The following RRAS2 variants were observed in gnomAD, a reference collection of about 807,000 sequenced individuals.
RRAS2 encodes the protein ras-related protein R-Ras2.
A neutral mutation model predicts 27.6 loss-of-function variants in RRAS2; 7 were observed. That is an observed-to-expected ratio of 0.25 (90% CI 0.14 to 0.48). The LOEUF (loss-of-function observed/expected upper bound fraction) is 0.48. RRAS2 is among the 20% of genes least tolerant of loss of function. The probability of loss-of-function intolerance (pLI) is 0.99; values close to 1 mark genes in which losing one functional copy is unlikely to be tolerated. For missense variants in RRAS2, 178 were observed against 256.2 expected, an observed-to-expected ratio of 0.69 and a Z score of 2.08; for synonymous variants, 86 against 90.9, an observed-to-expected ratio of 0.95 and a Z score of 0.31.
intron 1 of RRAS2, among the ~76,000 whole-genome samples, chr11:14,335,032 T>TA (rs1269758922): frequency 2.0e-5 from 3 of 152,176 alleles, no homozygotes; most frequent in Admixed American, 2.0e-4. Flanking sequence ...AATCCAAACT[T>TA]ACAATTTTCA....
chr11:14,323,702 T>C (rs1848280948), intron 1 of RRAS2, among the ~76,000 whole-genome samples: 1 of 152,046 alleles, frequency 6.6e-6, no homozygotes. Flanking sequence ...ATAATCTGGA[T>C]ACCAAAACCA....
intron 1 of RRAS2, among the ~76,000 whole-genome samples, chr11:14,333,762 G>A (rs928109128): frequency 6.6e-6 from 1 of 150,586 alleles, no homozygotes; most frequent in Non-Finnish European, 1.5e-5. Context: ...TTTAACCTCT[G>A]TTTCCCAAGT....
chr11:14,337,095 G>A (rs1363548927), intron 1 of RRAS2: 2 of 152,178 alleles, frequency 1.3e-5, no homozygotes, highest in Non-Finnish European at 2.9e-5. Flanking sequence ...GAAAACTACA[G>A]TACCTTGCTT....
Position 14,358,866 on chromosome 11 carries a change from G to A in RRAS2, c.5C>T (p.Ala2Val). 1 of 1,464,934 alleles carries A rather than the reference G, an allele frequency of 6.8e-7. No individual in the cohort carries two copies. Among genetic ancestry groups the A allele is most frequent in the Non-Finnish European group, 9.1e-7 (1 of 1,100,602 alleles). The allele number at this position is 1,464,934 out of a possible 1,614,324, so 90.7% of individuals were successfully genotyped here. The change falls in exon 1 of 6, where the codon GCC becomes GTC. Residue 2 changes from alanine to valine, a missense_variant. Ala to Val is a moderately conservative substitution (Grantham distance 64, BLOSUM62 0). Transcript: ENST00000256196. The surrounding 1 kb of genome is among the most constrained non-coding windows in gnomAD (Gnocchi z 5.1). M[A>V]AAGWRDGSGQ... ...GGAGCCGTCCCGCCAGCCGGCCGCG[G>A]CCATGGGGACGCTACAGAGCCCAGC...
At position 14,298,342 on chromosome 11, in the gene RRAS2, T is replaced by C. The variant is rs181559318; in HGVS notation, c.109-2487A>G. On this transcript the variant is annotated intron_variant, in intron 1 of 5. Coordinates refer to ENST00000256196, the MANE Select transcript of RRAS2 (RefSeq NM_012250.6). ...TACATTTTTTACAAATGCCAAGCCATGCACAATAGCTAGAATTCTTTAAAT... is the reference window on the plus strand; with the variant it reads ...TACATTTTTTACAAATGCCAAGCCACGCACAATAGCTAGAATTCTTTAAAT... Among the ~76,000 whole-genome samples the C allele has an allele frequency of 8.0e-4, 122 of 152,336 alleles. 1 individual carries two copies. Among genetic ancestry groups the C allele is most frequent in the African/African-American group, 2.9e-3 (119 of 41,576 alleles).
upstream of RRAS2, among the ~76,000 whole-genome samples, chr11:14,362,205 G>C (rs1204602444): frequency 6.6e-6 from 1 of 152,032 alleles, no homozygotes; most frequent in Non-Finnish European, 1.5e-5. Flanking sequence ...GCTTTATATG[G>C]GTGAATTTTA....
chr11:14,355,443 A>T (rs1407759131), intron 1 of RRAS2, among the ~76,000 whole-genome samples: 1 of 152,206 alleles, frequency 6.6e-6, no homozygotes, highest in Non-Finnish European at 1.5e-5. Flanking sequence ...AGCAACAGAA[A>T]GGAGGAGGTA....
intron 1 of RRAS2, among the ~76,000 whole-genome samples, chr11:14,318,596 C>T (rs1848162406): frequency 6.6e-6 from 1 of 152,094 alleles, no homozygotes; most frequent in Admixed American, 6.6e-5. Flanking sequence ...AAGCAAAACC[C>T]TTCTCTCACA....
intron 1 of RRAS2, 146 bp from the exon 2 acceptor site, chr11:14,296,001 TTATCTCTTA>T (rs1847538320): frequency 1.8e-6 from 1 of 552,544 alleles, no homozygotes; most frequent in Non-Finnish European, 3.0e-6. Flanking sequence ...AGCAAGACTC[TTATCTCTTA>T]AAAAAAAATT....
chr11:14,331,564 C>T (rs1554951892), intron 1 of RRAS2, among the ~76,000 whole-genome samples: 1 of 151,228 alleles, frequency 6.6e-6, no homozygotes, highest in African/African-American at 2.4e-5. Flanking sequence ...CTGGCCTGGG[C>T]ATGGTGGCGC....
chr11:14,349,292 T>C (rs995706199), intron 1 of RRAS2, among the ~76,000 whole-genome samples: 8 of 151,770 alleles, frequency 5.3e-5, no homozygotes, highest in Admixed American at 2.6e-4. Context: ...GCTAGGACTA[T>C]AGGCACCCGC....
chr11:14,300,056 C>T (rs1157635791), intron 1 of RRAS2, among the ~76,000 whole-genome samples: 5 of 152,060 alleles, frequency 3.3e-5, no homozygotes, highest in African/African-American at 1.2e-4. Context: ...AAAAAGCAAG[C>T]ACAGTATTGC....
chr11:14,362,000 A>G (rs1554956202), upstream of RRAS2, among the ~76,000 whole-genome samples: 1 of 152,238 alleles, frequency 6.6e-6, no homozygotes, highest in African/African-American at 2.4e-5. Flanking sequence ...AAGACCACAT[A>G]TTATATAATT....
chr11:14,350,684 A>C (rs1374263838), intron 1 of RRAS2, among the ~76,000 whole-genome samples: 1 of 151,916 alleles, frequency 6.6e-6, no homozygotes, highest in African/African-American at 2.4e-5. Context: ...TAAACTAACG[A>C]TAGCTGACGA....
rs928246896 is a variant in RRAS2, at chr11:14,291,651, T to C, written c.408+2820A>G. Among the ~76,000 whole-genome samples, 3 of 152,148 alleles carry C rather than the reference T, an allele frequency of 2.0e-5. No individual in the cohort carries two copies. In the South Asian group the frequency reaches 6.2e-4, roughly 32 times the overall value. On this transcript the variant is annotated intron_variant, in intron 4 of 5. Coordinates refer to ENST00000256196, the MANE Select transcript of RRAS2 (RefSeq NM_012250.6). ...ATCATTTCCTATATTGTTCTCTCAC[T>C]TTTTTACCCTGAGAATCTATTACTT... is the stretch of plus-strand genomic sequence containing the variant.
chr11:14,337,472 C>T (rs1840419987), intron 1 of RRAS2, among the ~76,000 whole-genome samples: 1 of 152,202 alleles, frequency 6.6e-6, no homozygotes, highest in South Asian at 2.1e-4. Context: ...ATGCCTACAT[C>T]ATTTACCTCA....
chr11:14,305,095 T>A (rs1265119696), intron 1 of RRAS2, among the ~76,000 whole-genome samples: 2 of 152,240 alleles, frequency 1.3e-5, no homozygotes, highest in East Asian at 1.9e-4. Context: ...AGGTCTTCAG[T>A]GTTGCCAGTT....
At chr11:14,331,021 A>G (rs1279139817) in intron 1 of RRAS2, among the ~76,000 whole-genome samples, 5 of 152,164 alleles carry the variant, frequency 3.3e-5, no homozygotes, top group African/African-American at 1.2e-4. Flanking sequence ...GGCTCAAGCA[A>G]TCCTGCTGCC....
intron 1 of RRAS2, among the ~76,000 whole-genome samples, chr11:14,329,011 G>GTATATATA (rs199601519): frequency 7.3e-6 from 1 of 137,788 alleles, no homozygotes; most frequent in African/African-American, 2.7e-5. Context: ...GTGTGTGTGT[G>GTATATATA]TATATATATA....
Sources: allele counts gnomAD v4.1 joint callset (sites outside exome capture counted in the v4.1 genomes callset), GRCh38; gene constraint gnomAD v4.1.1; non-coding constraint Gnocchi (gnomAD v3.1); transcripts MANE v1.5; gene names NCBI Gene and HGNC (gene_info 2026-07-23, HGNC 2026-07-21).